Variants in RHBDD1 observed in about 807,000 individuals in gnomAD.
RHBDD1 encodes rhomboid-related protein 4.
In RHBDD1, 38 loss-of-function variants were observed where a neutral mutation model predicts 36.3. The ratio of observed to expected loss-of-function variants is 1.05; its 90% CI spans 0.81 to 1.37. The LOEUF is 1.37. Ranked by LOEUF, RHBDD1 falls within the 40% of genes most tolerant of loss-of-function variation. The pLI is 0.00. For missense variants in RHBDD1, 393 were observed against 377.6 expected, an observed-to-expected ratio of 1.04 and a Z score of -0.34; for synonymous variants, 151 against 136.5, an observed-to-expected ratio of 1.11 and a Z score of -0.74.
At chr2:226,897,856 G>T (rs546352445) in intron 5 of RHBDD1, among the ~76,000 whole-genome samples, 1 of 152,110 alleles carries the variant, frequency 6.6e-6, no homozygotes, top group Non-Finnish European at 1.5e-5. Context: ...GCATGCACCT[G>T]CAATCTCAGT....
intron 8 of RHBDD1, among the ~76,000 whole-genome samples, chr2:226,951,671 A>G (rs904351467): frequency 6.6e-6 from 1 of 152,242 alleles, no homozygotes; most frequent in South Asian, 2.1e-4. Flanking sequence ...CTAACTGTCT[A>G]TATAATCTTC....
At chr2:226,879,579 G>A (rs574274200) in intron 5 of RHBDD1, among the ~76,000 whole-genome samples, 8 of 152,210 alleles carry the variant, frequency 5.3e-5, no homozygotes, top group African/African-American at 1.9e-4. Context: ...TGCAAAAAAA[G>A]GGTTATCTAG....
chr2:226,908,929 G>T (rs571242621), intron 7 of RHBDD1, 51 bp downstream of exon 7: 11 of 1,182,304 alleles, frequency 9.3e-6, no homozygotes, highest in Middle Eastern at 2.4e-4. Flanking sequence ...TAAAATTATA[G>T]TGTTCAGCTC....
At chr2:226,857,096 AGTGT>A (rs61685494) in intron 3 of RHBDD1, among the ~76,000 whole-genome samples, 34,310 of 150,032 alleles carry the variant, frequency 0.23, 7,031 homozygotes, top group African/African-American at 0.55. Context: ...AGTGTAAGAG[AGTGT>A]GTGTGTGTGT....
the RHBDD1 span, among the ~76,000 whole-genome samples, chr2:226,803,669 G>T: frequency 6.6e-6 from 1 of 152,152 alleles, no homozygotes; most frequent in Non-Finnish European, 1.5e-5. Context: ...ACAACCAACT[G>T]CCTTCTGACA....
At chr2:226,972,074 C>T (rs573056359) in intron 8 of RHBDD1, among the ~76,000 whole-genome samples, 51 of 152,188 alleles carry the variant, frequency 3.4e-4, no homozygotes, top group Non-Finnish European at 5.6e-4. Context: ...GCTTTCCATC[C>T]CCTTGCCCCC....
At chr2:226,957,709 CAGCCCACTCAGAAAT>C (rs1951872521) in intron 8 of RHBDD1, among the ~76,000 whole-genome samples, 1 of 152,150 alleles carries the variant, frequency 6.6e-6, no homozygotes, top group Non-Finnish European at 1.5e-5. Flanking sequence ...AACCACAAGA[CAGCCCACTCAGAAAT>C]GGGCAAATGA....
At chr2:226,911,972 C>T (rs1363854659) in intron 7 of RHBDD1, among the ~76,000 whole-genome samples, 1 of 152,128 alleles carries the variant, frequency 6.6e-6, no homozygotes, top group Non-Finnish European at 1.5e-5. Flanking sequence ...TTATTTAAAT[C>T]ATTCCTTTTT....
chr2:226,983,192 AT>A (rs1956171799), intron 8 of RHBDD1, among the ~76,000 whole-genome samples: 1 of 152,148 alleles, frequency 6.6e-6, no homozygotes, highest in South Asian at 2.1e-4. Context: ...AAAAATGCAC[AT>A]TTCTGGGTCC....
At chr2:226,908,086 A>C (rs1452051888) in intron 6 of RHBDD1, 1 of 152,230 alleles carries the variant, frequency 6.6e-6, no homozygotes, top group Non-Finnish European at 1.5e-5. Flanking sequence ...AAGCCTTAAA[A>C]AATAAGTGGT....
chr2:226,859,451 G>A lies in RHBDD1; in HGVS notation c.-90-5153G>A, dbSNP rs181137922. ...GTATGCAAATACTACACTGTTTTATGTAAGGGACTTGAGCATCCATCGATT... is the reference window on the plus strand; with the variant it reads ...GTATGCAAATACTACACTGTTTTATATAAGGGACTTGAGCATCCATCGATT... On this transcript the variant is annotated intron_variant, in intron 3 of 8. Coordinates refer to ENST00000392062, the MANE Select transcript of RHBDD1 (RefSeq NM_001167608.3). Among the ~76,000 whole-genome samples the A allele has an allele frequency of 9.8e-4, 150 of 152,318 alleles. 1 individual carries two copies. Among genetic ancestry groups the A allele is most frequent in the African/African-American group, 3.5e-3 (146 of 41,564 alleles).
intron 3 of RHBDD1, among the ~76,000 whole-genome samples, chr2:226,841,183 A>G (rs1407561354): frequency 6.6e-6 from 1 of 151,888 alleles, no homozygotes; most frequent in Admixed American, 6.6e-5. Context: ...CCTAGATTGG[A>G]GTGCAGTGGT....
chr2:226,911,155 T>C (rs1473393361), intron 7 of RHBDD1, among the ~76,000 whole-genome samples: 1 of 152,168 alleles, frequency 6.6e-6, no homozygotes, highest in African/African-American at 2.4e-5. Flanking sequence ...AAACTCTAGG[T>C]AGATATACAG....
intron 5 of RHBDD1, among the ~76,000 whole-genome samples, chr2:226,902,802 C>T (rs1198372507): frequency 6.6e-6 from 1 of 152,122 alleles, no homozygotes; most frequent in African/African-American, 2.4e-5. Context: ...AGCCTCCCTT[C>T]CCTAGATATT....
At chr2:226,985,143 C>T (rs927995415) in intron 8 of RHBDD1, among the ~76,000 whole-genome samples, 2 of 152,162 alleles carry the variant, frequency 1.3e-5, no homozygotes, top group Admixed American at 6.5e-5. Flanking sequence ...ATTTAGGAGG[C>T]TCCGGATCAT....
intron 8 of RHBDD1, among the ~76,000 whole-genome samples, chr2:226,977,465 C>T (rs1012238416): frequency 3.3e-5 from 5 of 152,040 alleles, no homozygotes; most frequent in African/African-American, 1.2e-4. Context: ...ACTTAGATGT[C>T]GGTATTTTGT....
At chr2:226,916,955 A>G (rs996378664) in intron 8 of RHBDD1, among the ~76,000 whole-genome samples, 1 of 152,196 alleles carries the variant, frequency 6.6e-6, no homozygotes, top group African/African-American at 2.4e-5. Context: ...AGATCTGCAG[A>G]TGAAAGCACC....
chr2:226,914,091 A>T, intron 7 of RHBDD1, 117 bp from the exon 8 acceptor site: 1 of 902,528 alleles, frequency 1.1e-6, no homozygotes. Flanking sequence ...TTTTGAGGAT[A>T]ATTATTATAC....
At chr2:226,874,910 CT>C (rs1161801362) in intron 5 of RHBDD1, among the ~76,000 whole-genome samples, 1 of 152,112 alleles carries the variant, frequency 6.6e-6, no homozygotes, top group African/African-American at 2.4e-5. Context: ...CCTGGCATGC[CT>C]TTTATTGTCT....
Sources: allele counts gnomAD v4.1 joint callset (sites outside exome capture counted in the v4.1 genomes callset), GRCh38; gene constraint gnomAD v4.1.1; transcripts MANE v1.5; gene names NCBI Gene and HGNC (gene_info 2026-07-23, HGNC 2026-07-21).